Variants in CAMK1D observed in about 807,000 individuals in gnomAD.
CAMK1D encodes calcium/calmodulin-dependent protein kinase type 1D.
Under a neutral mutation model 47.7 loss-of-function variants are expected in CAMK1D, and 9 were observed. The observed-to-expected ratio is 0.19, with a 90% CI of 0.11 to 0.33. The LOEUF (loss-of-function observed/expected upper bound fraction) is 0.33. Ranked by LOEUF, CAMK1D falls within the 10% of genes least tolerant of loss-of-function variation. The pLI is 1.00. For synonymous variants in CAMK1D, 184 were observed against 184.9 expected (o/e 0.99, Z 0.04); for missense variants, 291 against 488.7 (o/e 0.60, Z 3.81).
intron 1 of CAMK1D, among the ~76,000 whole-genome samples, chr10:12,448,700 A>G (rs914111196): frequency 2.0e-5 from 3 of 152,022 alleles, no homozygotes; most frequent in Non-Finnish European, 2.9e-5. Flanking sequence ...GGCAGATTTT[A>G]TTTTTCTCTT....
intron 1 of CAMK1D, among the ~76,000 whole-genome samples, chr10:12,387,447 A>T (rs1484710143): frequency 5.5e-4 from 46 of 83,944 alleles, no homozygotes; most frequent in Middle Eastern, 5.0e-3. Flanking sequence ...TATATATTTT[A>T]TATATATATA....
chr10:12,456,637 G>T (rs540486081), intron 1 of CAMK1D: 1 of 152,128 alleles, frequency 6.6e-6, no homozygotes, highest in African/African-American at 2.4e-5. Flanking sequence ...TCTTAGCCAG[G>T]CATGGCGGCA....
rs374670722 is a variant in CAMK1D at position 12,503,609 on chromosome 10, C to T, written c.93-49616C>T. ...ACAGAAAATTCAGGTTGGGCCAGAC[C>T]TAGCCAGCTGACTCCACCCTTTATG... On this transcript the variant is annotated intron_variant, in intron 1 of 10. Coordinates refer to ENST00000619168, the MANE Select transcript of CAMK1D (RefSeq NM_153498.4). Among the ~76,000 whole-genome samples, 3 of 152,182 alleles carry T rather than the reference C, an allele frequency of 2.0e-5. No homozygotes were observed. In the South Asian group the frequency reaches 6.2e-4, roughly 32 times the overall value.
At chr10:12,353,804 A>G (rs1026498658) in intron 1 of CAMK1D, among the ~76,000 whole-genome samples, 3 of 152,172 alleles carry the variant, frequency 2.0e-5, no homozygotes, top group Admixed American at 6.6e-5. Flanking sequence ...CCCTTGGCAC[A>G]CTATGAGAAC....
intron 1 of CAMK1D, among the ~76,000 whole-genome samples, chr10:12,506,163 A>C (rs761702771): frequency 6.6e-6 from 1 of 152,276 alleles, no homozygotes; most frequent in East Asian, 1.9e-4. Context: ...TCATGCCTGT[A>C]ATCCCAGCAC....
At chr10:12,556,309 A>G (rs10906170) in intron 2 of CAMK1D, among the ~76,000 whole-genome samples, 48,292 of 152,154 alleles carry the variant, frequency 0.32, 8,599 homozygotes, top group Non-Finnish European at 0.4. Context: ...TTAAATTCTC[A>G]CTGTGCAGCA....
At chr10:12,800,698 T>C (rs185389943) in intron 6 of CAMK1D, among the ~76,000 whole-genome samples, 128 of 152,326 alleles carry the variant, frequency 8.4e-4, no homozygotes, top group African/African-American at 2.7e-3. Context: ...TTAACAAATA[T>C]GCCTTTGAGC....
chr10:12,639,118 C>T (rs1200300331), intron 2 of CAMK1D, among the ~76,000 whole-genome samples: 2 of 152,246 alleles, frequency 1.3e-5, no homozygotes, highest in African/African-American at 4.8e-5. Context: ...CAGTGATGTA[C>T]AGGACCTCCC....
chr10:12,518,047 T>C (rs2132179655), intron 1 of CAMK1D, among the ~76,000 whole-genome samples: 1 of 152,346 alleles, frequency 6.6e-6, no homozygotes, highest in Admixed American at 6.5e-5. Flanking sequence ...GGACTTTAAC[T>C]ACAAACTCAA....
At chr10:12,422,084 C>T (rs1266212573) in intron 1 of CAMK1D, among the ~76,000 whole-genome samples, 1 of 151,902 alleles carries the variant, frequency 6.6e-6, no homozygotes, top group Non-Finnish European at 1.5e-5. Flanking sequence ...GCTGGGATTA[C>T]AGGTGTGAGC....
At chr10:12,696,012 A>T (rs1024796260) in intron 3 of CAMK1D, among the ~76,000 whole-genome samples, 2 of 152,028 alleles carry the variant, frequency 1.3e-5, no homozygotes, top group African/African-American at 4.8e-5. Context: ...CGGGAGGTGG[A>T]GGTTGCAGTG....
chr10:12,547,067 G>C (rs1012030793), intron 1 of CAMK1D, among the ~76,000 whole-genome samples: 1 of 152,208 alleles, frequency 6.6e-6, no homozygotes, highest in African/African-American at 2.4e-5. Flanking sequence ...AGACTAGAAA[G>C]AAGGAAAGGT....
At chr10:12,762,118 T>C (rs1836539758) in intron 4 of CAMK1D, among the ~76,000 whole-genome samples, 1 of 152,118 alleles carries the variant, frequency 6.6e-6, no homozygotes, top group African/African-American at 2.4e-5. Flanking sequence ...ATCAGACATA[T>C]CAACTTGAGA....
chr10:12,374,314 C>T (rs1443985329), intron 1 of CAMK1D, among the ~76,000 whole-genome samples: 2 of 150,610 alleles, frequency 1.3e-5, no homozygotes, highest in African/African-American at 4.9e-5. Flanking sequence ...GTGGCAAAAT[C>T]GACCAACCAG....
chr10:12,686,408 G>A (rs569171641), intron 3 of CAMK1D, among the ~76,000 whole-genome samples: 4 of 151,956 alleles, frequency 2.6e-5, no homozygotes, highest in South Asian at 2.1e-4. Context: ...TGCAGCCTCC[G>A]CCTCCCAAGT....
At chr10:12,574,468 ATTTTT>A (rs1171556305) in intron 2 of CAMK1D, among the ~76,000 whole-genome samples, 3 of 61,370 alleles carry the variant, frequency 4.9e-5, no homozygotes, top group African/African-American at 1.5e-4. Context: ...CGCCTAGCTA[ATTTTT>A]TTTTTTTTTT....
intron 2 of CAMK1D, among the ~76,000 whole-genome samples, chr10:12,631,254 T>C (rs565978116): frequency 1.5e-4 from 23 of 152,154 alleles, no homozygotes; most frequent in Non-Finnish European, 2.9e-4. Context: ...TCAAAGATTA[T>C]AAAAAGTCAC....
chr10:12,756,814 G>C (rs1836247684), intron 3 of CAMK1D, among the ~76,000 whole-genome samples: 1 of 152,196 alleles, frequency 6.6e-6, no homozygotes. Context: ...TGTAGTCCCA[G>C]CTACTCGGGA....
At chr10:12,540,924 T>TG (rs1443412522) in intron 1 of CAMK1D, among the ~76,000 whole-genome samples, 1 of 110,998 alleles carries the variant, frequency 9.0e-6, no homozygotes, top group Non-Finnish European at 2.0e-5. Context: ...AGTTATAGGT[T>TG]TTTTTTTTTT....
Sources: gnomAD v4.1 joint callset for allele counts (sites outside exome capture counted in the v4.1 genomes callset) on GRCh38, gnomAD v4.1.1 for gene constraint, MANE v1.5 for transcripts, NCBI Gene and HGNC (gene_info 2026-07-23, HGNC 2026-07-21) for gene names.